Variants in CRACD observed in about 807,000 individuals in gnomAD.
The protein encoded by CRACD is capping protein inhibiting regulator of actin dynamics.
A neutral mutation model predicts 106.8 loss-of-function variants in CRACD; 56 were observed. The observed-to-expected ratio is 0.52, with a 90% CI of 0.42 to 0.66. The LOEUF (loss-of-function observed/expected upper bound fraction) is 0.66, where lower values mean the gene tolerates loss of function less well. CRACD is among the 30% of genes least tolerant of loss of function. CRACD has a pLI of 0.00. For synonymous variants in CRACD, 754 were observed against 670.8 expected (o/e 1.12, Z -1.92); for missense variants, 1,730 against 1,623.2 (o/e 1.07, Z -1.13).
chr4:56,261,358 C>CTT (rs527665539), intron 2 of CRACD, among the ~76,000 whole-genome samples: 36,266 of 111,420 alleles, frequency 0.33, 5,038 homozygotes, highest in African/African-American at 0.39. Flanking sequence ...GCTTCTTCTT[C>CTT]TTCTTTTTTT....
intron 1 of CRACD, among the ~76,000 whole-genome samples, chr4:56,055,568 C>T (rs59053231): frequency 0.2 from 30,690 of 152,032 alleles, 3,252 homozygotes; most frequent in African/African-American, 0.22. Context: ...TGGTGAATTC[C>T]AGGCTGCCCT....
chr4:56,189,185 A>AAC (rs199617909), intron 2 of CRACD, among the ~76,000 whole-genome samples: 2,978 of 148,282 alleles, frequency 0.02, 107 homozygotes, highest in African/African-American at 0.071. Context: ...CACTGTCTCA[A>AAC]AAAAAAAAAA....
chr4:56,272,600 T>A (rs1742421524), intron 3 of CRACD, 108 bp downstream of exon 3: 1 of 152,416 alleles, frequency 6.6e-6, no homozygotes, highest in South Asian at 2.1e-4. Flanking sequence ...AAGAACAGAA[T>A]CCCAAACGGG....
At chr4:56,166,227 C>A (rs1389826470) in intron 1 of CRACD, among the ~76,000 whole-genome samples, 1 of 151,994 alleles carries the variant, frequency 6.6e-6, no homozygotes, top group African/African-American at 2.4e-5. Context: ...TTCTTTTAAC[C>A]CAATTTTTTC....
intron 2 of CRACD, among the ~76,000 whole-genome samples, chr4:56,240,977 G>A (rs903007698): frequency 1.3e-5 from 2 of 152,208 alleles, no homozygotes; most frequent in African/African-American, 4.8e-5. Flanking sequence ...CAGCATGATG[G>A]ATGGGCCTGC....
At chr4:56,205,517 G>T (rs1181143989) in intron 2 of CRACD, among the ~76,000 whole-genome samples, 3 of 148,658 alleles carry the variant, frequency 2.0e-5, no homozygotes, top group South Asian at 2.1e-4. Context: ...CCGGTTAAAT[G>T]TTTTTTTTTT....
At chr4:56,168,508 G>A (rs1408569996) in intron 1 of CRACD, among the ~76,000 whole-genome samples, 7 of 151,488 alleles carry the variant, frequency 4.6e-5, no homozygotes, top group African/African-American at 1.7e-4. Context: ...TTCTTACCAT[G>A]TATTTGTTTT....
chr4:56,182,440 A>C (rs963006357), intron 2 of CRACD, among the ~76,000 whole-genome samples: 1 of 151,900 alleles, frequency 6.6e-6, no homozygotes, highest in African/African-American at 2.4e-5. Context: ...AAACAAAAAA[A>C]AAAAACCAGC....
In CRACD at chr4:56,142,781, A is replaced by C. The variant is rs1323199460; in HGVS notation, c.-335-36503A>C. Among the ~76,000 whole-genome samples the C allele has an allele frequency of 2.0e-5, 3 of 152,236 alleles. No individual in the cohort carries two copies. The East Asian group carries it at 5.8e-4, about 29-fold the overall frequency. ...TGTTTAGTTGATTGTCACAACAGCA[A>C]TTATTAAATAATATAATTTCTTCTA... is the stretch of plus-strand genomic sequence containing the variant. On this transcript the variant is annotated intron_variant, in intron 1 of 10. Coordinates refer to ENST00000682029, the MANE Select transcript of CRACD (RefSeq NM_001393381.1).
At chr4:56,193,493 T>C (rs1320335589) in intron 2 of CRACD, among the ~76,000 whole-genome samples, 2 of 152,186 alleles carry the variant, frequency 1.3e-5, no homozygotes, top group African/African-American at 4.8e-5. Context: ...CTGTAGACTG[T>C]TGAGATTTTC....
intron 1 of CRACD, among the ~76,000 whole-genome samples, chr4:56,085,192 TGA>T (rs1733171427): frequency 6.6e-6 from 1 of 152,068 alleles, no homozygotes; most frequent in African/African-American, 2.4e-5. Context: ...GAGTGAAAGG[TGA>T]GAGGAGGAAC....
At chr4:56,086,733 G>A (rs562328739) in intron 1 of CRACD, among the ~76,000 whole-genome samples, 10 of 152,162 alleles carry the variant, frequency 6.6e-5, no homozygotes, top group Admixed American at 5.9e-4. Context: ...TCCTCTTATC[G>A]TTTCTCCATG....
chr4:56,257,241 C>T (rs1396704946), intron 2 of CRACD, among the ~76,000 whole-genome samples: 2 of 151,996 alleles, frequency 1.3e-5, no homozygotes, highest in Non-Finnish European at 2.9e-5. Flanking sequence ...ACCACCATGC[C>T]TGGCTAATTC....
chr4:56,145,836 C>T (rs576206427), intron 1 of CRACD, among the ~76,000 whole-genome samples: 1 of 152,142 alleles, frequency 6.6e-6, no homozygotes, highest in Admixed American at 6.5e-5. Flanking sequence ...GTTGCCTAGG[C>T]TGGTCTTGAA....
At chr4:56,274,696 A>T (rs497090) in intron 3 of CRACD, among the ~76,000 whole-genome samples, 72,058 of 152,008 alleles carry the variant, frequency 0.47, 18,001 homozygotes, top group African/African-American at 0.64. Flanking sequence ...TATAATAAAC[A>T]CATCTCTTAA....
At position 56,323,364 on chromosome 4, in the gene CRACD, T is replaced by G. The variant is rs1252892474; in HGVS notation, c.3188-13T>G. 1 of 1,588,224 alleles carries G rather than the reference T, an allele frequency of 6.3e-7. No homozygotes were observed. Among genetic ancestry groups the G allele is most frequent in the Admixed American group, 2.0e-5 (1 of 50,376 alleles). ...AGTTCATTGCAAACCGTTCTTTGTCTTATTCCCCACAGAGAAGCCGATGCT... is the reference window on the plus strand; with the variant it reads ...AGTTCATTGCAAACCGTTCTTTGTCGTATTCCCCACAGAGAAGCCGATGCT... On this transcript the variant is annotated splice_polypyrimidine_tract_variant and intron_variant, in intron 8 of 10. Coordinates refer to ENST00000682029, the MANE Select transcript of CRACD (RefSeq NM_001393381.1).
chr4:56,270,098 A>G (rs182005408), intron 2 of CRACD, among the ~76,000 whole-genome samples: 2 of 152,286 alleles, frequency 1.3e-5, no homozygotes, highest in South Asian at 2.1e-4. Context: ...TTGCACCTGT[A>G]CTAATGTTCC....
chr4:56,267,151 C>T (rs185924885), intron 2 of CRACD, among the ~76,000 whole-genome samples: 10 of 149,760 alleles, frequency 6.7e-5, no homozygotes, highest in African/African-American at 7.4e-5. Flanking sequence ...GACGGAGTCT[C>T]GCACTGTCGC....
At chr4:56,142,423 C>T (rs1003235906) in intron 1 of CRACD, among the ~76,000 whole-genome samples, 3 of 152,106 alleles carry the variant, frequency 2.0e-5, no homozygotes, top group Non-Finnish European at 4.4e-5. Context: ...TTTGTACTGT[C>T]CGCCTTGTCA....
Sources: allele counts gnomAD v4.1 joint callset (sites outside exome capture counted in the v4.1 genomes callset), GRCh38; gene constraint gnomAD v4.1.1; transcripts MANE v1.5; gene names NCBI Gene and HGNC (gene_info 2026-07-23, HGNC 2026-07-21).